PRMT8: variants seen among roughly 807,000 people sequenced by gnomAD.
PRMT8 encodes protein arginine methyltransferase 8.
In PRMT8, 7 loss-of-function variants were observed where a neutral mutation model predicts 47.1. That is an observed-to-expected ratio of 0.15 (90% CI 0.08 to 0.28). The LOEUF is 0.28. Ranked by LOEUF, PRMT8 falls within the 10% of genes least tolerant of loss-of-function variation. The pLI is 1.00. For missense variants in PRMT8, 237 were observed against 505.4 expected, an observed-to-expected ratio of 0.47 and a Z score of 5.09; for synonymous variants, 188 against 186.5, an observed-to-expected ratio of 1.01 and a Z score of -0.07.
chr12:3,554,539 G>A (rs1226430815), intron 4 of PRMT8, among the ~76,000 whole-genome samples: 1 of 152,214 alleles, frequency 6.6e-6, no homozygotes, highest in East Asian at 1.9e-4. Flanking sequence ...AGGGAGGTGA[G>A]CCACAGTGAG....
At chr12:3,563,563 G>T (rs17697103) in intron 4 of PRMT8, among the ~76,000 whole-genome samples, 17,430 of 152,038 alleles carry the variant, frequency 0.11, 1,185 homozygotes, top group Middle Eastern at 0.17. Flanking sequence ...GCAGGAGAAG[G>T]GTAGGTTAGT....
chr12:3,488,598 CAATAT>C (rs1360737246), upstream of PRMT8, among the ~76,000 whole-genome samples: 2 of 152,188 alleles, frequency 1.3e-5, no homozygotes, highest in Non-Finnish European at 2.9e-5. Flanking sequence ...ATGGTCAATT[CAATAT>C]GTTTTGTTGC....
chr12:3,578,136 A>G (rs1482209163), intron 7 of PRMT8, among the ~76,000 whole-genome samples: 1 of 152,238 alleles, frequency 6.6e-6, no homozygotes, highest in Non-Finnish European at 1.5e-5. Context: ...TTTTTGAGAC[A>G]GAATCTCACT....
chr12:3,434,681 TC>T (rs1344480119), intron 1 of PRMT8, among the ~76,000 whole-genome samples: 1 of 151,578 alleles, frequency 6.6e-6, no homozygotes, highest in African/African-American at 2.4e-5. Flanking sequence ...GGGCAGGTGT[TC>T]CGTGTGTGTT....
In PRMT8 at chr12:3,514,806, C is replaced by T. The variant is rs898870673; in HGVS notation, c.75+23106C>T. Among the ~76,000 whole-genome samples, 6 of 152,134 alleles carry T rather than the reference C, an allele frequency of 3.9e-5. No individual in the cohort carries two copies. The highest frequency in any genetic ancestry group is 3.9e-4 in the East Asian group (2 of 5,170). On this transcript the variant is annotated intron_variant, in intron 1 of 9. Transcript: ENST00000382622. The surrounding 1 kb of genome is among the most constrained non-coding windows in gnomAD (Gnocchi z 5.9). ...TGCTCTTTCCCCGACCTGAAACTTT[C>T]GTGTAGCAGACCCCATACTCCTTCA...
At chr12:3,440,925 CT>C (rs1864794791) in intron 1 of PRMT8, among the ~76,000 whole-genome samples, 2 of 152,192 alleles carry the variant, frequency 1.3e-5, no homozygotes, top group South Asian at 4.1e-4. Context: ...CCCCAATTCT[CT>C]AAAGATAGGG....
chr12:3,419,719 T>G (rs1467617019), intron 1 of PRMT8, among the ~76,000 whole-genome samples: 2 of 151,968 alleles, frequency 1.3e-5, no homozygotes, highest in African/African-American at 4.8e-5. Flanking sequence ...TCCAAATACC[T>G]AATCAGATCA....
chr12:3,533,687 G>A (rs1448340189), intron 1 of PRMT8, among the ~76,000 whole-genome samples: 1 of 152,222 alleles, frequency 6.6e-6, no homozygotes, highest in East Asian at 1.9e-4. Context: ...CCGATGATAA[G>A]ACAGGGGTGC....
intron 1 of PRMT8, among the ~76,000 whole-genome samples, chr12:3,533,150 C>T (rs1053344719): frequency 9.8e-5 from 15 of 152,338 alleles, no homozygotes; most frequent in African/African-American, 1.9e-4. Flanking sequence ...ACAGCCGACC[C>T]TCTGTGACAG....
intron 1 of PRMT8, among the ~76,000 whole-genome samples, chr12:3,444,878 C>T (rs528230809): frequency 3.9e-4 from 59 of 152,296 alleles, no homozygotes; most frequent in African/African-American, 1.2e-3. Context: ...AAACCCCACC[C>T]GGGGCTATGG....
chr12:3,491,126 G>C, upstream of PRMT8: 1 of 984,154 alleles, frequency 1.0e-6, no homozygotes, highest in Non-Finnish European at 1.2e-6. Context: ...CCCAGCCGCC[G>C]CCGGCTCCAG....
rs1246400444 is a variant in PRMT8 at position 3,568,744 on chromosome 12, C to T, written c.520C>T (p.Leu174=). 2.5e-6 allele frequency: 4 copies of T among 1,614,038 alleles called. No individual in the cohort carries two copies. In the Admixed American group the frequency reaches 5.0e-5, roughly 20 times the overall value. ...IFKGKVEEVE[L]PVEKVDIIIS... Reference sequence around the variant, plus strand: ...TAAGGGTAAAGTGGAAGAGGTGGAGCTGCCTGTGGAGAAGGTGGACATCAT... The same window carrying T: ...TAAGGGTAAAGTGGAAGAGGTGGAGTTGCCTGTGGAGAAGGTGGACATCAT... The change falls in exon 5 of 10, where the codon CTG becomes TTG. Residue 174 remains leucine (L), a synonymous_variant. Transcript: ENST00000382622.
chr12:3,574,998 T>G (rs934564499), intron 6 of PRMT8, among the ~76,000 whole-genome samples: 10 of 152,188 alleles, frequency 6.6e-5, no homozygotes, highest in Non-Finnish European at 1.3e-4. Flanking sequence ...GAGGGGAGTC[T>G]TCTCTGAAAC....
intron 1 of PRMT8, among the ~76,000 whole-genome samples, chr12:3,413,908 C>G (rs1028946588): frequency 2.0e-5 from 3 of 152,040 alleles, no homozygotes; most frequent in African/African-American, 7.2e-5. Context: ...AATACAACAC[C>G]ATTTTATATA....
intron 1 of PRMT8, among the ~76,000 whole-genome samples, chr12:3,417,171 G>A (rs1864492045): frequency 6.6e-6 from 1 of 152,190 alleles, no homozygotes; most frequent in Non-Finnish European, 1.5e-5. Flanking sequence ...GAGAAATGTG[G>A]AGTTCGTAAA....
At chr12:3,463,186 G>C (rs1229924681) in intron 1 of PRMT8, 1 of 152,130 alleles carries the variant, frequency 6.6e-6, no homozygotes, top group East Asian at 1.9e-4. Context: ...TAAGTAATTT[G>C]CCCGAGTCTC....
rs1221485272 is a variant in PRMT8, at chr12:3,453,233, C to T, written c.48+71791C>T. Among the ~76,000 whole-genome samples the T allele has an allele frequency of 1.3e-5, 2 of 152,134 alleles. No individual in the cohort carries two copies. ...GGTGCAGGGAAGCCACGGTTCCTTCCCTCCCCACGCCCCTCGCTCACTCTA... is the reference window on the plus strand; with the variant it reads ...GGTGCAGGGAAGCCACGGTTCCTTCTCTCCCCACGCCCCTCGCTCACTCTA... On this transcript the variant is annotated intron_variant, in intron 1 of 9. Transcript: ENST00000452611. The surrounding 1 kb of genome is among the most constrained non-coding windows in gnomAD (Gnocchi z 4.9).
chr12:3,559,489 G>A (rs147320194), intron 4 of PRMT8, among the ~76,000 whole-genome samples: 2 of 152,230 alleles, frequency 1.3e-5, no homozygotes, highest in East Asian at 1.9e-4. Context: ...CTTTATTACT[G>A]TATCTATTTA....
chr12:3,403,149 G>T (rs1416409836), intron 1 of PRMT8, among the ~76,000 whole-genome samples: 1 of 152,166 alleles, frequency 6.6e-6, no homozygotes, highest in Non-Finnish European at 1.5e-5. Context: ...AAAAAGAATT[G>T]AGATCTTGTC....
Sources: gnomAD v4.1 joint callset for allele counts (sites outside exome capture counted in the v4.1 genomes callset) on GRCh38, gnomAD v4.1.1 for gene constraint, Gnocchi (gnomAD v3.1) non-coding constraint, MANE v1.5 for transcripts, NCBI Gene and HGNC (gene_info 2026-07-23, HGNC 2026-07-21) for gene names.